The following DOCK2 variants were observed in gnomAD, a reference collection of about 807,000 sequenced individuals.
DOCK2 encodes the protein dedicator of cytokinesis 2, also known as dedicator of cytokinesis protein 2.
In DOCK2, 87 loss-of-function variants were observed where a neutral mutation model predicts 248.9. That is an observed-to-expected ratio of 0.35 (90% CI 0.29 to 0.42). The LOEUF (loss-of-function observed/expected upper bound fraction) is 0.42, where lower values mean the gene tolerates loss of function less well. DOCK2 is among the 10% of genes least tolerant of loss of function. The probability of loss-of-function intolerance (pLI) is 1.00; values close to 1 mark genes in which losing one functional copy is unlikely to be tolerated. For synonymous variants in DOCK2, 805 were observed against 821.6 expected (o/e 0.98, Z 0.35); for missense variants, 1,747 against 2,300.2 (o/e 0.76, Z 4.92).
At chr5:169,703,193 A>G (rs987225299) in intron 14 of DOCK2, among the ~76,000 whole-genome samples, 3 of 152,282 alleles carry the variant, frequency 2.0e-5, no homozygotes, top group African/African-American at 7.2e-5. Flanking sequence ...CTCTTAGGCC[A>G]CTGTGAGTGA....
At position 169,711,962 on chromosome 5, in the gene DOCK2, A is replaced by G; in HGVS notation, c.1510A>G (p.Arg504Gly). Residue 504 changes from arginine to glycine, a missense_variant, in exon 16 of 52, where the codon AGG (arginine) becomes GGG (glycine). Physicochemically the swap from Arg to Gly is moderately radical, Grantham distance 125. Around this residue, in one of 4 missense-constraint regions of DOCK2, gnomAD observed 858 missense variants for 1,183.5 expected, o/e 0.72. Coordinates refer to ENST00000520908, the MANE Select transcript of DOCK2 (RefSeq NM_004946.3). Reference protein sequence around the residue: ...KVAVPIEDMQRIHLRFMFRHR... With the variant: ...KVAVPIEDMQGIHLRFMFRHR... The stretch of plus-strand genomic sequence containing the variant: ...GGCTGTCCCTATTGAAGACATGCAG[A>G]GGATCCATCTGCGATTCATGTTTCG... The G allele has an allele frequency of 6.2e-7, 1 of 1,614,086 alleles. No individual in the cohort carries two copies. The highest frequency in any genetic ancestry group is 8.5e-7 in the Non-Finnish European group (1 of 1,179,960).
intron 2 of DOCK2, among the ~76,000 whole-genome samples, chr5:169,660,891 G>A (rs1028377191): frequency 6.6e-5 from 10 of 152,014 alleles, no homozygotes; most frequent in African/African-American, 4.8e-5. Flanking sequence ...AGGCTCAGAC[G>A]TCAGTAAACT....
intron 27 of DOCK2, among the ~76,000 whole-genome samples, chr5:169,862,694 G>A (rs771742923): frequency 6.6e-6 from 1 of 152,204 alleles, no homozygotes; most frequent in African/African-American, 2.4e-5. Context: ...GACTTAAATA[G>A]TGCAAGCTGA....
intron 22 of DOCK2, among the ~76,000 whole-genome samples, chr5:169,722,526 A>T (rs760493352): frequency 1.4e-4 from 22 of 152,220 alleles, no homozygotes; most frequent in Non-Finnish European, 3.2e-4. Context: ...TGCAGGACAG[A>T]CAATGGGTAT....
chr5:169,925,760 A>T (rs1172117972), intron 27 of DOCK2, among the ~76,000 whole-genome samples: 1 of 152,044 alleles, frequency 6.6e-6, no homozygotes, highest in Non-Finnish European at 1.5e-5. Flanking sequence ...GAGATCATGT[A>T]AAGTGCTTTC....
intron 2 of DOCK2, among the ~76,000 whole-genome samples, chr5:169,665,405 T>C (rs1035192997): frequency 6.7e-6 from 1 of 150,374 alleles, no homozygotes; most frequent in Non-Finnish European, 1.5e-5. Context: ...GGAGAACTTA[T>C]ATATGTGTGT....
intron 22 of DOCK2, among the ~76,000 whole-genome samples, chr5:169,728,236 T>C (rs1208673198): frequency 6.6e-6 from 1 of 151,970 alleles, no homozygotes; most frequent in Admixed American, 6.6e-5. Context: ...ACATAAAATG[T>C]TTGAGGTGTT....
intron 34 of DOCK2, among the ~76,000 whole-genome samples, chr5:170,030,999 G>A (rs368992713): frequency 3.3e-5 from 5 of 152,316 alleles, no homozygotes; most frequent in East Asian, 3.9e-4. Context: ...TGTGCTCTGC[G>A]CAGTGCACAA....
Position 169,669,269 on chromosome 5 carries a change from C to A in DOCK2, c.128-19C>A. On this transcript the variant is annotated intron_variant, in intron 2 of 51. Coordinates refer to ENST00000520908, the MANE Select transcript of DOCK2 (RefSeq NM_004946.3). ...CTTGTAATAAATGAGGGAACTGTTT[C>A]TTTGTTTTCTTTTTGCAGACTGGTA... is the stretch of plus-strand genomic sequence containing the variant. 1.2e-6 allele frequency: 2 copies of A among 1,613,016 alleles called. No individual in the cohort carries two copies. Among genetic ancestry groups the A allele is most frequent in the Non-Finnish European group, 1.7e-6 (2 of 1,179,672 alleles).
chr5:170,068,378 C>G (rs1757568278), intron 45 of DOCK2, among the ~76,000 whole-genome samples: 1 of 152,200 alleles, frequency 6.6e-6, no homozygotes, highest in African/African-American at 2.4e-5. Flanking sequence ...CTAGCAGACA[C>G]TGAAGGAAAA....
At chr5:169,694,120 ACT>A (rs1760465999) in intron 9 of DOCK2, among the ~76,000 whole-genome samples, 3 of 152,142 alleles carry the variant, frequency 2.0e-5, no homozygotes, top group South Asian at 4.2e-4. Flanking sequence ...GTTCCCAGAG[ACT>A]CTGCACAGCC....
chr5:170,073,530 T>A (rs1383991207), intron 46 of DOCK2, among the ~76,000 whole-genome samples: 2 of 152,246 alleles, frequency 1.3e-5, no homozygotes, highest in East Asian at 3.8e-4. Flanking sequence ...ACTATTAGAT[T>A]AAATTGGAGA....
intron 27 of DOCK2, among the ~76,000 whole-genome samples, chr5:169,981,085 T>C (rs1303799495): frequency 2.6e-5 from 4 of 152,210 alleles, no homozygotes; most frequent in Non-Finnish European, 5.9e-5. Flanking sequence ...AAATTCTGAA[T>C]AGTTTTAAAC....
At chr5:170,062,016 T>A (rs936351823) in intron 44 of DOCK2, among the ~76,000 whole-genome samples, 1 of 152,132 alleles carries the variant, frequency 6.6e-6, no homozygotes, top group East Asian at 1.9e-4. Flanking sequence ...TGTGCATGCA[T>A]GTGCAGTTGT....
intron 27 of DOCK2, among the ~76,000 whole-genome samples, chr5:169,874,805 C>T (rs999891534): frequency 3.3e-5 from 5 of 152,128 alleles, no homozygotes; most frequent in African/African-American, 9.7e-5. Flanking sequence ...GGAACGGTTA[C>T]AGCTGAATCT....
At position 169,825,131 on chromosome 5, in the gene DOCK2, G is replaced by A. The variant is rs376646577; in HGVS notation, c.2704-15626G>A. 1.3e-3 allele frequency among the ~76,000 whole-genome samples: 205 copies of A among 151,910 alleles called. 1 individual carries two copies. The highest frequency in any genetic ancestry group is 4.8e-3 in the African/African-American group (198 of 41,350). On this transcript the variant is annotated intron_variant, in intron 26 of 51. Coordinates refer to ENST00000520908, the MANE Select transcript of DOCK2 (RefSeq NM_004946.3). ...AAAGTCAGGAAACAACAGGTGCTGG[G>A]GAGGATGTGGAGAAATAGGAACACT...
intron 32 of DOCK2, 96 bp from the exon 33 acceptor site, chr5:170,018,864 T>C: frequency 6.8e-7 from 1 of 1,462,744 alleles, no homozygotes; most frequent in Non-Finnish European, 9.2e-7. Flanking sequence ...GTTTTTACTA[T>C]TATGCTTCCC....
At chr5:170,030,173 C>T (rs568768898) in intron 34 of DOCK2, among the ~76,000 whole-genome samples, 11 of 152,280 alleles carry the variant, frequency 7.2e-5, no homozygotes, top group South Asian at 2.1e-4. Context: ...GGCTCTGCGG[C>T]GGTCTTCAGA....
At chr5:169,774,392 A>G (rs1233711927) in intron 25 of DOCK2, among the ~76,000 whole-genome samples, 2 of 152,174 alleles carry the variant, frequency 1.3e-5, no homozygotes, top group African/African-American at 2.4e-5. Flanking sequence ...CACTATTCCT[A>G]TTTAACAGGT....
Sources: gnomAD v4.1 joint callset for allele counts (sites outside exome capture counted in the v4.1 genomes callset) on GRCh38, gnomAD v4.1.1 for gene constraint, gnomAD v4.1.1 regional missense constraint, MANE v1.5 for transcripts, NCBI Gene and HGNC (gene_info 2026-07-23, HGNC 2026-07-21) for gene names.